Variants in ATAD2B observed in about 807,000 individuals in gnomAD.
The protein encoded by ATAD2B is ATPase family AAA domain-containing protein 2B.
A neutral mutation model predicts 167.6 loss-of-function variants in ATAD2B; 40 were observed. The ratio of observed to expected loss-of-function variants is 0.24; its 90% CI spans 0.19 to 0.31. ATAD2B has a LOEUF of 0.31. Among genes scored for constraint, ATAD2B ranks in the 10% least tolerant of loss-of-function variants. The pLI, the probability that ATAD2B is intolerant of heterozygous loss-of-function variation, is 1.00. For missense variants in ATAD2B, 1,242 were observed against 1,757.2 expected, an observed-to-expected ratio of 0.71 and a Z score of 5.24; for synonymous variants, 579 against 596.5, an observed-to-expected ratio of 0.97 and a Z score of 0.43.
intron 17 of ATAD2B, among the ~76,000 whole-genome samples, chr2:23,812,093 T>C (rs1685685723): frequency 6.6e-6 from 1 of 151,858 alleles, no homozygotes; most frequent in Non-Finnish European, 1.5e-5. Context: ...GCAGTAAGAA[T>C]AAAGCAAATT....
At position 23,750,176 on chromosome 2, in the gene ATAD2B, C is replaced by T. The variant is rs1204080616; in HGVS notation, c.*1870G>A. On this transcript the variant is annotated 3_prime_UTR_variant, in exon 28 of 28. Coordinates refer to ENST00000238789, the MANE Select transcript of ATAD2B (RefSeq NM_017552.4). ...CAAATTAGAGGTTTCAAATAACCTC[C>T]CCTTTAAAATGGTTCATCGTTAATC... 1 of 151,976 alleles carries T rather than the reference C, an allele frequency of 6.6e-6. No individual in the cohort carries two copies. Among genetic ancestry groups the T allele is most frequent in the Non-Finnish European group, 1.5e-5 (1 of 67,944 alleles). 9.4% of individuals were successfully genotyped at this position (151,976 alleles called of 1,614,324 possible).
At chr2:23,685,120 G>A in the ATAD2B span, among the ~76,000 whole-genome samples, 4 of 152,248 alleles carry the variant, frequency 2.6e-5, no homozygotes, top group African/African-American at 7.2e-5. Flanking sequence ...AGCCTAAACC[G>A]GCGCTGTGGA....
chr2:23,735,167 C>T, the ATAD2B span, among the ~76,000 whole-genome samples: 2 of 152,194 alleles, frequency 1.3e-5, no homozygotes, highest in Admixed American at 1.3e-4. Context: ...ACAGCATTAT[C>T]TTCCACCATA....
In ATAD2B at chr2:23,864,919, C is replaced by A. The variant is rs751421568; in HGVS notation, c.1194G>T (p.Arg398=). Residue 398 remains arginine (R), a synonymous_variant, in exon 11 of 28, where the codon CGG becomes CGT. Coordinates refer to ENST00000238789, the MANE Select transcript of ATAD2B (RefSeq NM_017552.4). ...VDPMNIDKSV[R]FDSIGGLSHH... Reference sequence around the variant, plus strand: ...GGCTCAATCCACCTATGCTATCAAACCGTACCTTGGAAAGAAGGGGAAAAA... The same window carrying A: ...GGCTCAATCCACCTATGCTATCAAAACGTACCTTGGAAAGAAGGGGAAAAA... The A allele has an allele frequency of 6.4e-7, 1 of 1,561,270 alleles. No individual in the cohort carries two copies. The highest frequency in any genetic ancestry group is 2.3e-5 in the East Asian group (1 of 43,260).
chr2:23,696,609 G>A, the ATAD2B span: 12 of 985,792 alleles, frequency 1.2e-5, no homozygotes, highest in East Asian at 7.9e-5. The surrounding 1 kb of genome is among the most constrained non-coding windows in gnomAD (Gnocchi z 5.5). Flanking sequence ...ACTCAGTGGC[G>A]ATGGAGCAGA....
rs773875660 is a variant in ATAD2B, at chr2:23,754,211, G to A, written c.4303C>T (p.Arg1435Cys). The A allele has an allele frequency of 5.2e-6, 8 of 1,550,928 alleles. No individual in the cohort carries two copies. Among genetic ancestry groups the A allele is most frequent in the African/African-American group, 1.4e-5 (1 of 72,956 alleles). The change falls in exon 27 of 28, where the codon CGT becomes TGT. Residue 1435 changes from arginine (R) to cysteine (C), a missense_variant. By Grantham distance (180) the Arg-to-Cys change is radical (BLOSUM62 -3). Transcript: ENST00000238789. Reference sequence around the variant, plus strand: ...AGTTGTGATTTGTCATAATCTTTACGATGACGGTAGATACACTGACTAAGA... The same window carrying A: ...AGTTGTGATTTGTCATAATCTTTACAATGACGGTAGATACACTGACTAAGA... ...SLLSQCIYRH[R>C]KDYDKSQLVE... is the part of the protein sequence containing the mutation.
chr2:23,696,901 G>C, the ATAD2B span: 1 of 177,798 alleles, frequency 5.6e-6, no homozygotes, highest in East Asian at 1.7e-4. The surrounding 1 kb of genome is among the most constrained non-coding windows in gnomAD (Gnocchi z 5.5). Context: ...CTGGGGTTTC[G>C]GGCAAAGCTG....
the ATAD2B span, among the ~76,000 whole-genome samples, chr2:23,683,133 G>A: frequency 6.6e-6 from 1 of 152,238 alleles, no homozygotes; most frequent in Admixed American, 6.5e-5. Context: ...CAGAAGCAGG[G>A]CTGGGGCCAG....
intron 22 of ATAD2B, among the ~76,000 whole-genome samples, chr2:23,770,717 C>A (rs1312710925): frequency 6.6e-6 from 1 of 152,190 alleles, no homozygotes; most frequent in Non-Finnish European, 1.5e-5. Flanking sequence ...AAACTTCATG[C>A]CAACATACAC....
At chr2:23,756,392 GA>G (rs985052582) in intron 25 of ATAD2B, among the ~76,000 whole-genome samples, 48 of 144,482 alleles carry the variant, frequency 3.3e-4, no homozygotes, top group South Asian at 1.3e-3. Flanking sequence ...AATACTGGCA[GA>G]AAAAAAAAAA....
chr2:23,829,923 T>C (rs145698774), intron 14 of ATAD2B, among the ~76,000 whole-genome samples: 6 of 152,348 alleles, frequency 3.9e-5, no homozygotes, highest in African/African-American at 1.2e-4. Flanking sequence ...TCTGACTGCA[T>C]ATAGCACAAT....
chr2:23,780,845 A>G (rs1364933692), intron 22 of ATAD2B, among the ~76,000 whole-genome samples: 2 of 152,182 alleles, frequency 1.3e-5, no homozygotes, highest in African/African-American at 2.4e-5. Flanking sequence ...CGGAGGTTAC[A>G]GTGAACCACT....
the ATAD2B span, chr2:23,693,500 T>G: frequency 6.4e-7 from 1 of 1,551,056 alleles, no homozygotes; most frequent in African/African-American, 1.4e-5. Flanking sequence ...ATCAAGTGGA[T>G]CAAGAAGGAC....
At chr2:23,850,836 C>A (rs1333686268) in intron 13 of ATAD2B, among the ~76,000 whole-genome samples, 2 of 152,144 alleles carry the variant, frequency 1.3e-5, no homozygotes, top group East Asian at 3.8e-4. Flanking sequence ...ACCTAATCAC[C>A]AATGTAATGT....
At chr2:23,681,821 G>A in the ATAD2B span, among the ~76,000 whole-genome samples, 1 of 152,282 alleles carries the variant, frequency 6.6e-6, no homozygotes, top group South Asian at 2.1e-4. The surrounding 1 kb of genome is among the most constrained non-coding windows in gnomAD (Gnocchi z 4.2). Context: ...CTCGTGGTTT[G>A]GGCATTAATT....
At chr2:23,921,283 T>G (rs916354480) in intron 1 of ATAD2B, among the ~76,000 whole-genome samples, 17 of 138,078 alleles carry the variant, frequency 1.2e-4, no homozygotes, top group African/African-American at 4.7e-4. Flanking sequence ...AAACGGATAA[T>G]GCACACAAAT....
At chr2:23,817,122 T>C (rs1251528759) in intron 17 of ATAD2B, among the ~76,000 whole-genome samples, 1 of 152,190 alleles carries the variant, frequency 6.6e-6, no homozygotes, top group Non-Finnish European at 1.5e-5. Flanking sequence ...TTCTAAAGTG[T>C]ATGCTTCTTG....
At chr2:23,805,115 C>T (rs1476464027) in intron 18 of ATAD2B, among the ~76,000 whole-genome samples, 1 of 150,984 alleles carries the variant, frequency 6.6e-6, no homozygotes. Context: ...TGTACTCCAG[C>T]CTGGACAACA....
At chr2:23,771,589 T>C (rs1175525839) in intron 22 of ATAD2B, among the ~76,000 whole-genome samples, 1 of 152,216 alleles carries the variant, frequency 6.6e-6, no homozygotes, top group Non-Finnish European at 1.5e-5. Context: ...ATGTATGTGA[T>C]TATTGATATG....
Sources: allele counts gnomAD v4.1 joint callset (sites outside exome capture counted in the v4.1 genomes callset), GRCh38; gene constraint gnomAD v4.1.1; non-coding constraint Gnocchi (gnomAD v3.1); transcripts MANE v1.5; gene names NCBI Gene and HGNC (gene_info 2026-07-23, HGNC 2026-07-21).